The following PHACTR1 variants were observed in gnomAD, a reference collection of about 807,000 sequenced individuals.
PHACTR1 encodes the protein phosphatase and actin regulator 1.
A neutral mutation model predicts 69.2 loss-of-function variants in PHACTR1; 16 were observed. The observed-to-expected ratio is 0.23, with a 90% CI of 0.16 to 0.35. The LOEUF (loss-of-function observed/expected upper bound fraction) is 0.35, where lower values mean the gene tolerates loss of function less well. PHACTR1 is among the 10% of genes least tolerant of loss of function. The probability of loss-of-function intolerance (pLI) is 1.00; values close to 1 mark genes in which losing one functional copy is unlikely to be tolerated. For missense variants in PHACTR1, 510 were observed against 734.7 expected (o/e 0.69, Z 3.54); for synonymous variants, 312 against 284.5 (o/e 1.10, Z -0.97).
At chr6:12,748,031 G>A (rs889759018) in intron 3 of PHACTR1, among the ~76,000 whole-genome samples, 3 of 152,190 alleles carry the variant, frequency 2.0e-5, no homozygotes, top group African/African-American at 7.2e-5. Flanking sequence ...GAAAGAATTA[G>A]TTTTGACTAT....
At chr6:13,262,671 G>A (rs1273677825) in intron 10 of PHACTR1, among the ~76,000 whole-genome samples, 1 of 152,142 alleles carries the variant, frequency 6.6e-6, no homozygotes, top group African/African-American at 2.4e-5. Context: ...GGATGTAGAG[G>A]GGATAGAATT....
At chr6:13,176,404 G>A (rs956707797) in intron 6 of PHACTR1, among the ~76,000 whole-genome samples, 2 of 152,070 alleles carry the variant, frequency 1.3e-5, no homozygotes, top group Non-Finnish European at 2.9e-5. Flanking sequence ...CATTTCATTT[G>A]CATTTCTCTA....
At chr6:13,195,822 A>G (rs1764328910) in intron 7 of PHACTR1, among the ~76,000 whole-genome samples, 1 of 144,426 alleles carries the variant, frequency 6.9e-6, no homozygotes, top group African/African-American at 2.5e-5. Context: ...AGGTGTATTT[A>G]TTTAGTCCAC....
intron 4 of PHACTR1, among the ~76,000 whole-genome samples, chr6:12,850,015 G>C (rs544933396): frequency 9.9e-5 from 15 of 152,178 alleles, no homozygotes; most frequent in African/African-American, 2.9e-4. Flanking sequence ...TCTTTTTCCT[G>C]CTCTGGCTTT....
intron 4 of PHACTR1, among the ~76,000 whole-genome samples, chr6:12,883,960 T>A (rs1783369121): frequency 6.6e-6 from 1 of 151,566 alleles, no homozygotes; most frequent in Non-Finnish European, 1.5e-5. Flanking sequence ...ATACACACAG[T>A]CACACATGTA....
At chr6:12,832,439 G>A (rs373836086) in intron 4 of PHACTR1, among the ~76,000 whole-genome samples, 3 of 152,016 alleles carry the variant, frequency 2.0e-5, no homozygotes, top group African/African-American at 7.2e-5. Context: ...AAAATAAGCC[G>A]CTCTAGAACT....
In PHACTR1 at chr6:13,272,863, G is replaced by T; in HGVS notation, c.1395G>T (p.Arg465=). 1 of 1,614,078 alleles carries T rather than the reference G, an allele frequency of 6.2e-7. No homozygotes were observed. The highest frequency in any genetic ancestry group is 1.1e-5 in the South Asian group (1 of 91,086). The part of the protein sequence containing the change: ...RQQIGTKLTR[R]LSQRPTAEEL... Reference sequence around the variant, plus strand: ...TTTTCCTGGATTTTTTCCGTAGGCGGCTGAGCCAGAGGCCAACTGCAGAGG... The same window carrying T: ...TTTTCCTGGATTTTTTCCGTAGGCGTCTGAGCCAGAGGCCAACTGCAGAGG... The change falls in exon 11 of 15, where the codon CGG becomes CGT. Residue 465 remains arginine (R), a synonymous_variant. Coordinates refer to ENST00000332995, the MANE Select transcript of PHACTR1 (RefSeq NM_030948.6).
At chr6:13,210,447 T>A (rs943816549) in intron 8 of PHACTR1, among the ~76,000 whole-genome samples, 2 of 152,098 alleles carry the variant, frequency 1.3e-5, no homozygotes, top group African/African-American at 4.8e-5. Flanking sequence ...ATTTAAAGGG[T>A]CATATTTATT....
intron 8 of PHACTR1, among the ~76,000 whole-genome samples, chr6:13,216,047 T>A (rs955361127): frequency 6.6e-6 from 1 of 152,230 alleles, no homozygotes; most frequent in African/African-American, 2.4e-5. Flanking sequence ...CTTTTTACAT[T>A]TACATATTAG....
chr6:13,160,123 A>G (rs754654247), intron 5 of PHACTR1, 81 bp from the exon 6 acceptor site: 115 of 1,187,122 alleles, frequency 9.7e-5, no homozygotes, highest in Non-Finnish European at 1.2e-4. Flanking sequence ...TTACATTGCC[A>G]TATGTGTTAA....
chr6:12,771,703 C>T (rs1026846956), intron 4 of PHACTR1, among the ~76,000 whole-genome samples: 1 of 152,164 alleles, frequency 6.6e-6, no homozygotes, highest in African/African-American at 2.4e-5. Context: ...CTATATTTGC[C>T]ATGACATGGC....
intron 8 of PHACTR1, among the ~76,000 whole-genome samples, chr6:13,219,511 G>T (rs966004020): frequency 1.3e-5 from 2 of 152,116 alleles, no homozygotes; most frequent in Non-Finnish European, 2.9e-5. Context: ...CCCACTGCAC[G>T]ACCCCTTTTT....
chr6:13,070,819 C>A (rs180802027), intron 5 of PHACTR1, among the ~76,000 whole-genome samples: 2 of 148,548 alleles, frequency 1.3e-5, no homozygotes, highest in Non-Finnish European at 3.0e-5. Flanking sequence ...TTAAAAAAAA[C>A]AAAACAAAAC....
chr6:13,123,096 C>T (rs1461041681), intron 5 of PHACTR1, among the ~76,000 whole-genome samples: 2 of 151,754 alleles, frequency 1.3e-5, no homozygotes, highest in Non-Finnish European at 2.9e-5. Context: ...AGAAAAGGGC[C>T]CCCCAAAAAA....
intron 4 of PHACTR1, among the ~76,000 whole-genome samples, chr6:12,835,890 A>T (rs547214054): frequency 6.6e-6 from 1 of 152,304 alleles, no homozygotes; most frequent in Non-Finnish European, 1.5e-5. Flanking sequence ...CTGCAAATGA[A>T]ATTTCACATA....
intron 4 of PHACTR1, among the ~76,000 whole-genome samples, chr6:12,826,700 C>T (rs1776838325): frequency 6.6e-6 from 1 of 152,176 alleles, no homozygotes; most frequent in Admixed American, 6.5e-5. Flanking sequence ...CTGAAATATA[C>T]TGTGCTAGAG....
chr6:13,214,056 A>T (rs577428023), intron 8 of PHACTR1: 1 of 152,108 alleles, frequency 6.6e-6, no homozygotes, highest in Non-Finnish European at 1.5e-5. Context: ...AGGCTTTTGC[A>T]TACTTACCTG....
intron 4 of PHACTR1, among the ~76,000 whole-genome samples, chr6:12,956,836 G>A (rs562734241): frequency 5.9e-5 from 9 of 152,200 alleles, no homozygotes; most frequent in African/African-American, 1.9e-4. Flanking sequence ...TCCATTCAGC[G>A]CCTTATCCCA....
At chr6:12,795,660 C>A (rs2127668961) in intron 4 of PHACTR1, among the ~76,000 whole-genome samples, 1 of 151,936 alleles carries the variant, frequency 6.6e-6, no homozygotes, top group South Asian at 2.1e-4. Flanking sequence ...GTGAATTTTT[C>A]ATTGTGCCCA....
Sources: allele counts gnomAD v4.1 joint callset (sites outside exome capture counted in the v4.1 genomes callset), GRCh38; gene constraint gnomAD v4.1.1; transcripts MANE v1.5; gene names NCBI Gene and HGNC (gene_info 2026-07-23, HGNC 2026-07-21).